The following FSTL5 variants were observed in gnomAD, a reference collection of about 807,000 sequenced individuals.
FSTL5 encodes the protein follistatin-related protein 5.
FSTL5 carries 62 observed loss-of-function variants against 89.1 expected under a neutral mutation model. That is an observed-to-expected ratio of 0.70 (90% CI 0.57 to 0.86). FSTL5 has a LOEUF of 0.86. Among genes scored for constraint, FSTL5 ranks in the 40% least tolerant of loss-of-function variants. FSTL5 has a pLI of 0.00. For missense variants in FSTL5, 1,057 were observed against 1,001.6 expected, an observed-to-expected ratio of 1.06 and a Z score of -0.75; for synonymous variants, 383 against 346.2, an observed-to-expected ratio of 1.11 and a Z score of -1.18.
At chr4:161,894,940 G>A (rs985045266) in intron 4 of FSTL5, among the ~76,000 whole-genome samples, 2 of 152,158 alleles carry the variant, frequency 1.3e-5, no homozygotes, top group African/African-American at 4.8e-5. Flanking sequence ...GCAAATCAAT[G>A]CTTTGAAAAA....
intron 2 of FSTL5, among the ~76,000 whole-genome samples, chr4:162,065,127 A>G (rs1013987963): frequency 1.3e-5 from 2 of 152,038 alleles, no homozygotes. Flanking sequence ...AGACTTACAT[A>G]TAAGATCTGA....
chr4:161,753,501 C>T (rs71639366), intron 6 of FSTL5, among the ~76,000 whole-genome samples: 30,469 of 151,996 alleles, frequency 0.2, 3,104 homozygotes, highest in Middle Eastern at 0.32. Flanking sequence ...GTTCTGGCCC[C>T]GTCATCACTT....
intron 4 of FSTL5, among the ~76,000 whole-genome samples, chr4:161,830,296 G>A (rs1466829472): frequency 6.6e-6 from 1 of 152,050 alleles, no homozygotes; most frequent in Non-Finnish European, 1.5e-5. Context: ...TAATTCCAGA[G>A]ATTTTGCTTC....
At chr4:161,986,883 G>A (rs1245557507) in intron 3 of FSTL5, among the ~76,000 whole-genome samples, 4 of 152,096 alleles carry the variant, frequency 2.6e-5, no homozygotes, top group Non-Finnish European at 5.9e-5. Context: ...TAGCACTTGA[G>A]GTTTAGGGAA....
intron 4 of FSTL5, among the ~76,000 whole-genome samples, chr4:161,777,344 G>T (rs6837801): frequency 1.3e-5 from 2 of 151,146 alleles, no homozygotes; most frequent in Admixed American, 1.3e-4. Context: ...GACTAGTGCT[G>T]TGATAAACAT....
At chr4:161,463,672 T>C (rs565401064) in intron 13 of FSTL5, among the ~76,000 whole-genome samples, 4 of 152,330 alleles carry the variant, frequency 2.6e-5, no homozygotes, top group African/African-American at 9.6e-5. Flanking sequence ...AATTGGTTTT[T>C]ATAGAACAGA....
intron 1 of FSTL5, among the ~76,000 whole-genome samples, chr4:162,121,516 G>T (rs1369769386): frequency 6.6e-6 from 1 of 151,946 alleles, no homozygotes; most frequent in Non-Finnish European, 1.5e-5. Flanking sequence ...TCAGAACTGG[G>T]GATTATGTAT....
At chr4:161,399,242 C>T (rs956345396) in intron 15 of FSTL5, among the ~76,000 whole-genome samples, 1 of 152,020 alleles carries the variant, frequency 6.6e-6, no homozygotes, top group African/African-American at 2.4e-5. Flanking sequence ...GGTCAAAAAC[C>T]TGCTCATAAC....
intron 3 of FSTL5, among the ~76,000 whole-genome samples, chr4:162,028,490 T>A (rs1737388014): frequency 6.6e-6 from 1 of 152,154 alleles, no homozygotes; most frequent in African/African-American, 2.4e-5. Flanking sequence ...GGCAAGAGAA[T>A]CACTTGAACC....
intron 7 of FSTL5, among the ~76,000 whole-genome samples, chr4:161,591,612 A>G (rs74468343): frequency 0.014 from 2,127 of 152,312 alleles, 51 homozygotes; most frequent in African/African-American, 0.047. Flanking sequence ...TCAAAAAAGA[A>G]AGAATAATTG....
chr4:162,001,405 T>C (rs1387957753), intron 3 of FSTL5, among the ~76,000 whole-genome samples: 3 of 152,184 alleles, frequency 2.0e-5, no homozygotes, highest in African/African-American at 7.2e-5. Context: ...CATTGAATAG[T>C]AGTCACACAG....
rs184007218 is a variant in FSTL5, at chr4:161,860,212, C to T, written c.409+60192G>A. Among the ~76,000 whole-genome samples the T allele has an allele frequency of 5.8e-3, 881 of 152,070 alleles. 13 individuals are homozygous for T. The highest frequency in any genetic ancestry group is 0.02 in the African/African-American group (847 of 41,490). ...CTGAGGCAGGAGAATGGCGTGAACCCGGGAGGCGGAGCTTGCAGTGAGAGG... is the reference window on the plus strand; with the variant it reads ...CTGAGGCAGGAGAATGGCGTGAACCTGGGAGGCGGAGCTTGCAGTGAGAGG... On this transcript the variant is annotated intron_variant, in intron 4 of 15. Transcript: ENST00000306100.
intron 1 of FSTL5, among the ~76,000 whole-genome samples, chr4:162,129,119 G>A (rs1218785281): frequency 6.6e-6 from 1 of 152,066 alleles, no homozygotes; most frequent in African/African-American, 2.4e-5. Context: ...ATTTAGTAGA[G>A]ACAGGGTTTC....
At chr4:161,421,255 G>A (rs1411024803) in intron 15 of FSTL5, among the ~76,000 whole-genome samples, 1 of 151,808 alleles carries the variant, frequency 6.6e-6, no homozygotes, top group African/African-American at 2.4e-5. Flanking sequence ...GCAAGAGAAT[G>A]GCATGAACCC....
chr4:161,862,718 G>A (rs1414792278), intron 4 of FSTL5, among the ~76,000 whole-genome samples: 1 of 152,086 alleles, frequency 6.6e-6, no homozygotes, highest in Admixed American at 6.6e-5. Context: ...GTGACAGAGA[G>A]AGACTCCATC....
At chr4:161,588,090 C>G (rs1404333526) in intron 7 of FSTL5, among the ~76,000 whole-genome samples, 1 of 152,118 alleles carries the variant, frequency 6.6e-6, no homozygotes, top group Non-Finnish European at 1.5e-5. Context: ...AGGACAATTG[C>G]TTGAAACTGG....
intron 1 of FSTL5, among the ~76,000 whole-genome samples, chr4:162,124,955 G>A (rs1732020943): frequency 6.6e-6 from 1 of 152,134 alleles, no homozygotes; most frequent in East Asian, 1.9e-4. Context: ...CGCCCGCCTT[G>A]GCCTCCCAAA....
At chr4:161,654,876 G>A (rs1431515014) in intron 7 of FSTL5, among the ~76,000 whole-genome samples, 3 of 152,086 alleles carry the variant, frequency 2.0e-5, no homozygotes, top group Non-Finnish European at 4.4e-5. Context: ...GTAGGATAAT[G>A]TTCACTTTTT....
At chr4:161,650,560 C>A (rs571232882) in intron 7 of FSTL5, among the ~76,000 whole-genome samples, 1 of 152,110 alleles carries the variant, frequency 6.6e-6, no homozygotes, top group Admixed American at 6.5e-5. Context: ...TTTTGGGGAG[C>A]TTTACATTTG....
Sources: gnomAD v4.1 joint callset for allele counts (sites outside exome capture counted in the v4.1 genomes callset) on GRCh38, gnomAD v4.1.1 for gene constraint, MANE v1.5 for transcripts, NCBI Gene and HGNC (gene_info 2026-07-23, HGNC 2026-07-21) for gene names.